NFIA: variants seen among roughly 807,000 people sequenced by gnomAD.
NFIA encodes nuclear factor 1 A-type.
In NFIA, 8 loss-of-function variants were observed where a neutral mutation model predicts 62.8. The ratio of observed to expected loss-of-function variants is 0.13; its 90% CI spans 0.07 to 0.23. The LOEUF (loss-of-function observed/expected upper bound fraction) is 0.23, where lower values mean the gene tolerates loss of function less well. Ranked by LOEUF, NFIA falls within the 10% of genes least tolerant of loss-of-function variation. The pLI, the probability that NFIA is intolerant of heterozygous loss-of-function variation, is 1.00. For synonymous variants in NFIA, 235 were observed against 238.1 expected, an observed-to-expected ratio of 0.99 and a Z score of 0.12; for missense variants, 410 against 642.1, an observed-to-expected ratio of 0.64 and a Z score of 3.91.
chr1:61,184,619 ACT>A (rs1473714748), intron 2 of NFIA, among the ~76,000 whole-genome samples: 1 of 152,272 alleles, frequency 6.6e-6, no homozygotes, highest in East Asian at 1.9e-4. Context: ...GGACCGACAC[ACT>A]CTAATTTTTT....
At chr1:61,358,583 A>G (rs1011572171) in intron 5 of NFIA, among the ~76,000 whole-genome samples, 26 of 151,706 alleles carry the variant, frequency 1.7e-4, no homozygotes, top group African/African-American at 6.3e-4. Context: ...ATAGGATTTT[A>G]CCATGTTGGC....
chr1:61,318,718 A>G (rs1223271702), intron 3 of NFIA, among the ~76,000 whole-genome samples: 5 of 152,198 alleles, frequency 3.3e-5, no homozygotes, highest in Non-Finnish European at 7.3e-5. Context: ...TAGAGTTGCT[A>G]TAGAAGGATG....
At chr1:61,077,681 A>G, upstream of NFIA, 2 of 1,338,618 alleles carry the variant, frequency 1.5e-6, no homozygotes, top group Non-Finnish European at 2.0e-6. Flanking sequence ...TATGCGTTTT[A>G]TAAACAATGG....
intron 2 of NFIA, among the ~76,000 whole-genome samples, chr1:61,208,255 T>C (rs189897410): frequency 1.0e-3 from 156 of 152,310 alleles, no homozygotes; most frequent in African/African-American, 3.2e-3. Context: ...GAAAATCTTA[T>C]TGCAAGCAAG....
chr1:61,426,589 C>T (rs774570277), intron 10 of NFIA, 33 bp downstream of exon 10: 342 of 1,476,542 alleles, frequency 2.3e-4, no homozygotes, highest in Non-Finnish European at 3.0e-4. Context: ...GTATGTGGTG[C>T]AGCTTGTATT....
intron 2 of NFIA, among the ~76,000 whole-genome samples, chr1:61,247,437 C>A (rs576357741): frequency 3.9e-4 from 60 of 152,260 alleles, no homozygotes; most frequent in African/African-American, 1.4e-3. Context: ...TACACCACAC[C>A]ACACTAGGTT....
At chr1:61,395,293 T>G (rs1225732046) in intron 7 of NFIA, among the ~76,000 whole-genome samples, 1 of 151,686 alleles carries the variant, frequency 6.6e-6, no homozygotes, top group East Asian at 1.9e-4. Context: ...TGTGTGTTTT[T>G]TTTTTTTTTT....
At chr1:61,437,296 C>G (rs1667373701) in intron 10 of NFIA, among the ~76,000 whole-genome samples, 1 of 152,072 alleles carries the variant, frequency 6.6e-6, no homozygotes, top group Non-Finnish European at 1.5e-5. Context: ...AGGAGTGGTA[C>G]TAGGGGGATA....
intron 6 of NFIA, among the ~76,000 whole-genome samples, 163 bp from the exon 7 acceptor site, chr1:61,383,074 C>G (rs906911012): frequency 2.0e-5 from 3 of 152,206 alleles, no homozygotes; most frequent in Admixed American, 2.0e-4. Flanking sequence ...TCTGTCACCT[C>G]TTTGTTTCTG....
intron 2 of NFIA, chr1:61,251,471 C>T (rs1467536175): frequency 6.6e-6 from 1 of 152,146 alleles, no homozygotes; most frequent in Non-Finnish European, 1.5e-5. Context: ...TAAATGCTAG[C>T]TGTTACTGTG....
chr1:61,397,132 T>A (rs1473625405), intron 7 of NFIA, among the ~76,000 whole-genome samples: 2 of 152,100 alleles, frequency 1.3e-5, no homozygotes, highest in Non-Finnish European at 2.9e-5. Context: ...GGCCCCATAG[T>A]TCTAAGCTTC....
chr1:61,453,982 C>A (rs1668191270), intron 10 of NFIA, among the ~76,000 whole-genome samples: 1 of 152,130 alleles, frequency 6.6e-6, no homozygotes, highest in African/African-American at 2.4e-5. Flanking sequence ...TTTTTAAACT[C>A]CTCTGGAAAT....
intron 10 of NFIA, among the ~76,000 whole-genome samples, chr1:61,428,676 A>G (rs1002441623): frequency 1.3e-5 from 2 of 152,156 alleles, no homozygotes; most frequent in Non-Finnish European, 2.9e-5. Flanking sequence ...GTAGATATAG[A>G]TAATAAAAAT....
chr1:61,128,165 G>A (rs1334483986), intron 2 of NFIA, among the ~76,000 whole-genome samples: 1 of 151,972 alleles, frequency 6.6e-6, no homozygotes, highest in Non-Finnish European at 1.5e-5. Context: ...TGCCCACGCT[G>A]GCTCAAACTC....
intron 2 of NFIA, among the ~76,000 whole-genome samples, chr1:61,271,738 C>T (rs1657519822): frequency 6.6e-6 from 1 of 152,218 alleles, no homozygotes; most frequent in Non-Finnish European, 1.5e-5. Flanking sequence ...TCCCCATCTC[C>T]CTTCGATAAA....
chr1:61,283,399 G>A (rs1238622310), intron 3 of NFIA, among the ~76,000 whole-genome samples: 2 of 150,062 alleles, frequency 1.3e-5, no homozygotes, highest in Admixed American at 6.6e-5. Context: ...GGTAAAACCC[G>A]GTCTCTACTA....
chr1:61,356,073 A>G (rs1290482871), intron 5 of NFIA, among the ~76,000 whole-genome samples: 1 of 152,238 alleles, frequency 6.6e-6, no homozygotes, highest in East Asian at 1.9e-4. Flanking sequence ...TGGACAATGG[A>G]GTTGGCCTTT....
At chr1:61,080,576 G>C (rs1315015602), upstream of NFIA, among the ~76,000 whole-genome samples, 2 of 152,180 alleles carry the variant, frequency 1.3e-5, no homozygotes, top group African/African-American at 4.8e-5. Flanking sequence ...AAAGGTTCTC[G>C]TGGCCAGGGA....
intron 2 of NFIA, among the ~76,000 whole-genome samples, chr1:61,219,231 CAAAA>C (rs36000081): frequency 7.4e-6 from 1 of 135,222 alleles, no homozygotes; most frequent in Non-Finnish European, 1.6e-5. Flanking sequence ...AACTCAGTCT[CAAAA>C]AAAAAAAAAC....
Sources: gnomAD v4.1 joint callset for allele counts (sites outside exome capture counted in the v4.1 genomes callset) on GRCh38, gnomAD v4.1.1 for gene constraint, MANE v1.5 for transcripts, NCBI Gene and HGNC (gene_info 2026-07-23, HGNC 2026-07-21) for gene names.